Variants in ITGB4 observed in about 807,000 individuals in gnomAD.
ITGB4 encodes integrin subunit beta 4, also known as integrin beta-4.
Under a neutral mutation model 207.6 loss-of-function variants are expected in ITGB4, and 159 were observed. The observed-to-expected ratio is 0.77, with a 90% CI of 0.67 to 0.87. The LOEUF (loss-of-function observed/expected upper bound fraction) is 0.87. ITGB4 is among the 40% of genes least tolerant of loss of function. The probability of loss-of-function intolerance (pLI) is 0.00; values close to 1 mark genes in which losing one functional copy is unlikely to be tolerated. For synonymous variants in ITGB4, 1,020 were observed against 1,062.7 expected (o/e 0.96, Z 0.78); for missense variants, 2,278 against 2,546.8 (o/e 0.89, Z 2.27).
At position 75,747,685 on chromosome 17, in the gene ITGB4, A is replaced by G. The variant is rs781608677; in HGVS notation, c.3112-1156A>G. On this transcript the variant is annotated intron_variant, in intron 26 of 39. Coordinates refer to ENST00000200181, the MANE Select transcript of ITGB4 (RefSeq NM_000213.5). The stretch of plus-strand genomic sequence containing the variant: ...CGTGACACTGACTTTTGTTAAGACA[A>G]GGTCTCGCTCTGTCACCCAGGCTGG... Among the ~76,000 whole-genome samples the G allele has an allele frequency of 9.4e-4, 143 of 152,086 alleles. 1 individual carries two copies. Among genetic ancestry groups the G allele is most frequent in the Non-Finnish European group, 3.1e-4 (21 of 68,010 alleles).
In ITGB4 at chr17:75,733,392, A is replaced by T. The variant is rs1007893491; in HGVS notation, c.1455-98A>T. ...CAAGGCGAGACTCCGTCTCAAAAAA[A>T]AAAATAAAATAATTAAATTAAATTA... On this transcript the variant is annotated intron_variant, in intron 12 of 39. Coordinates refer to ENST00000200181, the MANE Select transcript of ITGB4 (RefSeq NM_000213.5). 87 of 1,071,248 alleles carry T rather than the reference A, an allele frequency of 8.1e-5. 1 individual carries two copies. Among genetic ancestry groups the T allele is most frequent in the Middle Eastern group, 6.3e-4 (2 of 3,150 alleles). 66.4% of individuals were successfully genotyped at this position (1,071,248 alleles called of 1,614,324 possible). A position where few individuals can be genotyped will look rare whatever the true frequency, so the allele number is the denominator to read the frequency against.
chr17:75,742,588 G>A lies in ITGB4; in HGVS notation c.2789G>A (p.Arg930Gln), dbSNP rs147887144. The change falls in exon 25 of 40, where the codon CGG becomes CAG. Residue 930 changes from arginine (R) to glutamine (Q), a missense_variant. By Grantham distance (43) the Arg-to-Gln change is conservative. Coordinates refer to ENST00000200181, the MANE Select transcript of ITGB4 (RefSeq NM_000213.5). This position sits in a 1 kb window ranked among gnomAD's most constrained non-coding sequence, Gnocchi z 5.9. ...CCTCCGAACCCCCACCCAGACGCCC[G>A]GGGCATGGTGGAGTTCCAGGAGGGC... is the stretch of plus-strand genomic sequence containing the variant. ...YYTLTADQDA[R>Q]GMVEFQEGVE... 4 of 1,613,806 alleles carry A rather than the reference G, an allele frequency of 2.5e-6. No individual in the cohort carries two copies. The highest frequency in any genetic ancestry group is 1.6e-4 in the Middle Eastern group (1 of 6,084).
Position 75,750,235 on chromosome 17 carries a change from G to A in ITGB4, c.3441G>A (p.Trp1147Ter). The stretch of plus-strand genomic sequence containing the variant: ...GGTCCAGGAAGATCCATTTCAACTG[G>A]CTGCCCCCTTCTGGCAAGCCAATGG... ...AAGSRKIHFN[W>*]LPPSGKPMGY... The change falls in exon 28 of 40, where the codon TGG becomes TGA. Residue 1147 changes from tryptophan to a stop codon, truncating the protein, a stop_gained. Transcript: ENST00000200181. LOFTEE classifies it high-confidence loss of function. This position sits in a 1 kb window ranked among gnomAD's most constrained non-coding sequence, Gnocchi z 5.5. 1 of 1,613,558 alleles carries A rather than the reference G, an allele frequency of 6.2e-7. No individual in the cohort carries two copies. The highest frequency in any genetic ancestry group is 8.5e-7 in the Non-Finnish European group (1 of 1,179,922).
At chr17:75,751,964 G>C in intron 30 of ITGB4, 1 of 663,028 alleles carries the variant, frequency 1.5e-6, no homozygotes, top group Non-Finnish European at 2.7e-6. Context: ...ACTCAGCAGA[G>C]TCCCTTGGAG....
At chr17:75,744,308 CG>C (rs1461457443) in intron 26 of ITGB4, among the ~76,000 whole-genome samples, 1 of 151,778 alleles carries the variant, frequency 6.6e-6, no homozygotes, top group Non-Finnish European at 1.5e-5. Flanking sequence ...TTAGTAGAGA[CG>C]GGGTTTCTCC....
At chr17:75,723,120 G>T (rs927233922) in intron 1 of ITGB4, among the ~76,000 whole-genome samples, 1 of 152,214 alleles carries the variant, frequency 6.6e-6, no homozygotes, top group African/African-American at 2.4e-5. Context: ...CTGCCATGGA[G>T]GTTAAAGGCA....
Position 75,736,092 on chromosome 17 carries a change from G to A in ITGB4, c.1699G>A (p.Gly567Ser), listed in dbSNP as rs2060968832. 6.2e-7 allele frequency: 1 copy of A among 1,614,026 alleles called. No individual in the cohort carries two copies. The highest frequency in any genetic ancestry group is 1.1e-5 in the South Asian group (1 of 91,090). The change falls in exon 14 of 40, where the codon GGT (glycine) becomes AGT (serine). Residue 567 changes from glycine (G) to serine (S), a missense_variant. Coordinates refer to ENST00000200181, the MANE Select transcript of ITGB4 (RefSeq NM_000213.5). ...CATGGGCCAGTGTGTGTGTGAGCCT[G>A]GTTGGACAGGCCCAAGCTGTGACTG... ...CSMGQCVCEP[G>S]WTGPSCDCPL...
intron 30 of ITGB4, 94 bp downstream of exon 30, chr17:75,751,205 C>G: frequency 6.8e-7 from 1 of 1,468,498 alleles, no homozygotes; most frequent in Non-Finnish European, 9.4e-7. Context: ...ACTCCCTGGA[C>G]CTGCTGTGCA....
At position 75,731,941 on chromosome 17, in the gene ITGB4, G is replaced by A. The variant is rs147963396; in HGVS notation, c.1345G>A (p.Gly449Ser). ...CTCCGACGGCCTCAAGATGGACGCGGGCATCATCTGTGATGTGTGCACCTG... is the reference window on the plus strand; with the variant it reads ...CTCCGACGGCCTCAAGATGGACGCGAGCATCATCTGTGATGTGTGCACCTG... ...SFSDGLKMDA[G>S]IICDVCTCEL... The change falls in exon 11 of 40, where the codon GGC (glycine) becomes AGC (serine). Residue 449 changes from glycine to serine, a missense_variant. By Grantham distance (56) the Gly-to-Ser change is moderately conservative. Coordinates refer to ENST00000200181, the MANE Select transcript of ITGB4 (RefSeq NM_000213.5). The surrounding 1 kb of genome is among the most constrained non-coding windows in gnomAD (Gnocchi z 6.8). 1.5e-3 allele frequency: 2,460 copies of A among 1,613,934 alleles called. 8 individuals carry two copies. Among genetic ancestry groups the A allele is most frequent in the Non-Finnish European group, 1.9e-3 (2,251 of 1,180,036 alleles).
intron 26 of ITGB4, among the ~76,000 whole-genome samples, chr17:75,745,362 C>T (rs940869515): frequency 2.0e-5 from 3 of 151,982 alleles, no homozygotes; most frequent in Non-Finnish European, 4.4e-5. Context: ...CACTGTACTT[C>T]AGCCTAGGCA....
chr17:75,733,137 T>G (rs1310169674), intron 12 of ITGB4, among the ~76,000 whole-genome samples: 1 of 145,910 alleles, frequency 6.9e-6, no homozygotes, highest in South Asian at 2.2e-4. Context: ...GCCTGTAATT[T>G]CAGCACTTTG....
chr17:75,728,425 A>C lies in ITGB4; in HGVS notation c.518A>C (p.Lys173Thr). The change falls in exon 6 of 40, where the codon AAG becomes ACG. Residue 173 changes from lysine (K) to threonine (T), a missense_variant. Coordinates refer to ENST00000200181, the MANE Select transcript of ITGB4 (RefSeq NM_000213.5). ...AGCGACTACACTATTGGATTTGGCAAGTTTGTGGACAAAGTCAGCGTCCCG... is the reference window on the plus strand; with the variant it reads ...AGCGACTACACTATTGGATTTGGCACGTTTGTGGACAAAGTCAGCGTCCCG... ...LTSDYTIGFG[K>T]FVDKVSVPQT... 1 of 1,614,162 alleles carries C rather than the reference A, an allele frequency of 6.2e-7. No individual in the cohort carries two copies. Among genetic ancestry groups the C allele is most frequent in the Non-Finnish European group, 8.5e-7 (1 of 1,180,002 alleles).
At position 75,748,612 on chromosome 17, in the gene ITGB4, G is replaced by A. The variant is rs189342993; in HGVS notation, c.3112-229G>A. Among the ~76,000 whole-genome samples the A allele has an allele frequency of 1.1e-4, 17 of 152,014 alleles. No homozygotes were observed. In the East Asian group the frequency reaches 3.1e-3, roughly 28 times the overall value. On this transcript the variant is annotated intron_variant, in intron 26 of 39. Coordinates refer to ENST00000200181, the MANE Select transcript of ITGB4 (RefSeq NM_000213.5). ...TTGAACCTGGAAGGTGGAGGTTGCA[G>A]TAAGCCGAGATCATGCCACTGCACT...
chr17:75,750,806 G>A lies in ITGB4; in HGVS notation c.3601G>A (p.Ala1201Thr), dbSNP rs780980517. ...TGAGATGAAGGTGTGCGCCTACGGG[G>A]CTCAGGGCGAGGGACCCTACAGCTC... The part of the protein sequence containing the change: ...DYEMKVCAYG[A>T]QGEGPYSSLV... The change falls in exon 29 of 40, where the codon GCT becomes ACT. Residue 1201 changes from alanine to threonine, a missense_variant. By Grantham distance (58) the Ala-to-Thr change is moderately conservative. Transcript: ENST00000200181. The surrounding 1 kb of genome is among the most constrained non-coding windows in gnomAD (Gnocchi z 5.5). The A allele has an allele frequency of 3.7e-6, 6 of 1,613,366 alleles. No individual in the cohort carries two copies. The African/African-American group carries it at 8.0e-5, about 22-fold the overall frequency.
chr17:75,730,292 G>A lies in ITGB4; in HGVS notation c.790G>A (p.Glu264Lys), dbSNP rs1197506365. 4.3e-6 allele frequency: 7 copies of A among 1,613,318 alleles called. No homozygotes were observed. Among genetic ancestry groups the A allele is most frequent in the East Asian group, 2.2e-5 (1 of 44,892 alleles). The part of the protein sequence containing the change: ...DSTHLLVFST[E>K]SAFHYEADGA... ...CACCCACCTGCTGGTCTTCTCCACC[G>A]AGTCAGCCTTCCACTATGAGGCTGA... The change falls in exon 8 of 40, where the codon GAG (glutamate) becomes AAG (lysine). Residue 264 changes from glutamate (E) to lysine (K), a missense_variant. Coordinates refer to ENST00000200181, the MANE Select transcript of ITGB4 (RefSeq NM_000213.5).
At chr17:75,730,162 T>G in intron 7 of ITGB4, 79 bp from the exon 8 acceptor site, 2 of 1,591,692 alleles carry the variant, frequency 1.3e-6, no homozygotes, top group Admixed American at 3.3e-5. Context: ...GGGACCCGCG[T>G]TCCCCGTCCT....
rs918566991 is a variant in ITGB4 at position 75,722,901 on chromosome 17, C to T, written c.-11+1289C>T. Among the ~76,000 whole-genome samples the T allele has an allele frequency of 4.6e-5, 7 of 151,948 alleles. No homozygotes were observed. The highest frequency in any genetic ancestry group is 1.0e-4 in the Non-Finnish European group (7 of 67,952). The stretch of plus-strand genomic sequence containing the variant: ...AAAGTCGGGGCAGCCTGGTGGGGTC[C>T]GGGCCGCCTGGAGAGTAGGTGTCCT... On this transcript the variant is annotated intron_variant, in intron 1 of 39. Transcript: ENST00000200181. This position sits in a 1 kb window ranked among gnomAD's most constrained non-coding sequence, Gnocchi z 6.2.
chr17:75,754,339 C>T, intron 33 of ITGB4: 1 of 605,794 alleles, frequency 1.7e-6, no homozygotes, highest in South Asian at 2.0e-5. Context: ...CCAGGGTCAG[C>T]AGTGCTCACA....
In ITGB4 at chr17:75,731,923, G is replaced by A. The variant is rs769516826; in HGVS notation, c.1327G>A (p.Gly443Ser). ...NIHLKPSFSDGLKMDAGIICD... is the reference protein window; with the variant it reads ...NIHLKPSFSDSLKMDAGIICD... ...CCATCTGAAACCTTCCTTCTCCGAC[G>A]GCCTCAAGATGGACGCGGGCATCAT... is the stretch of plus-strand genomic sequence containing the variant. The change falls in exon 11 of 40, where the codon GGC becomes AGC. Residue 443 changes from glycine to serine, a missense_variant. Coordinates refer to ENST00000200181, the MANE Select transcript of ITGB4 (RefSeq NM_000213.5). This position sits in a 1 kb window ranked among gnomAD's most constrained non-coding sequence, Gnocchi z 6.8. The A allele has an allele frequency of 3.1e-6, 5 of 1,613,944 alleles. No individual in the cohort carries two copies. Among genetic ancestry groups the A allele is most frequent in the East Asian group, 4.5e-5 (2 of 44,902 alleles).
Sources: gnomAD v4.1 joint callset for allele counts (sites outside exome capture counted in the v4.1 genomes callset) on GRCh38, gnomAD v4.1.1 for gene constraint, Gnocchi (gnomAD v3.1) non-coding constraint, MANE v1.5 for transcripts, NCBI Gene and HGNC (gene_info 2026-07-23, HGNC 2026-07-21) for gene names.